Variants in TRPC4 observed in about 807,000 individuals in gnomAD.
TRPC4 encodes transient receptor potential cation channel subfamily C member 4, also known as short transient receptor potential channel 4.
A neutral mutation model predicts 99.4 loss-of-function variants in TRPC4; 49 were observed. That is an observed-to-expected ratio of 0.49 (90% CI 0.39 to 0.63). The LOEUF is 0.63. Ranked by LOEUF, TRPC4 falls within the 20% of genes least tolerant of loss-of-function variation. The pLI is 0.00. For missense variants in TRPC4, 898 were observed against 1,152.9 expected (o/e 0.78, Z 3.20); for synonymous variants, 454 against 425.9 (o/e 1.07, Z -0.81).
At chr13:37,716,714 TA>T (rs960205427) in intron 3 of TRPC4, among the ~76,000 whole-genome samples, 3 of 152,042 alleles carry the variant, frequency 2.0e-5, no homozygotes, top group South Asian at 2.1e-4. Flanking sequence ...AAACAGATCT[TA>T]AAAAAAACCA....
chr13:37,690,592 G>C (rs1281169045), intron 4 of TRPC4, among the ~76,000 whole-genome samples: 3 of 152,126 alleles, frequency 2.0e-5, no homozygotes, highest in Non-Finnish European at 4.4e-5. Context: ...ACTGTGTCCT[G>C]CCCGGCCTGA....
At chr13:37,641,853 T>C (rs117416189) in intron 8 of TRPC4, among the ~76,000 whole-genome samples, 81 of 152,318 alleles carry the variant, frequency 5.3e-4, no homozygotes, top group Non-Finnish European at 9.8e-4. Flanking sequence ...AAGAGATTTA[T>C]GGCATCTGTT....
intron 1 of TRPC4, among the ~76,000 whole-genome samples, chr13:37,842,746 A>C (rs891051042): frequency 6.6e-6 from 1 of 152,192 alleles, no homozygotes; most frequent in African/African-American, 2.4e-5. Context: ...CTCACCTCCT[A>C]ATACCATCAC....
At chr13:37,742,932 G>T (rs1279733668) in intron 3 of TRPC4, among the ~76,000 whole-genome samples, 1 of 152,100 alleles carries the variant, frequency 6.6e-6, no homozygotes, top group Non-Finnish European at 1.5e-5. Context: ...TTTAAATAAT[G>T]CTATCAGTTA....
At chr13:37,847,032 A>G (rs1472675347) in intron 1 of TRPC4, among the ~76,000 whole-genome samples, 1 of 152,106 alleles carries the variant, frequency 6.6e-6, no homozygotes. Flanking sequence ...ATATGCACCC[A>G]ACATCTGAGA....
rs1236525297 is a variant in TRPC4 at position 37,827,774 on chromosome 13, C to A, written c.-28+41821G>T. On this transcript the variant is annotated intron_variant, in intron 1 of 10. Coordinates refer to ENST00000379705, the MANE Select transcript of TRPC4 (RefSeq NM_016179.4). ...GGTGGAGCCTACAGAGGCAGGCAGG[C>A]CTCCTTGAGCTGTGGTGGGCTCCAC... is the stretch of plus-strand genomic sequence containing the variant. Among the ~76,000 whole-genome samples the A allele has an allele frequency of 7.9e-5, 12 of 152,338 alleles. No homozygotes were observed. In the East Asian group the frequency reaches 2.1e-3, roughly 27 times the overall value.
chr13:37,758,558 A>G (rs1956149696), intron 2 of TRPC4, among the ~76,000 whole-genome samples: 1 of 151,784 alleles, frequency 6.6e-6, no homozygotes, highest in Non-Finnish European at 1.5e-5. Flanking sequence ...ATGCAATAAG[A>G]TTAGAAAATA....
At chr13:37,725,789 T>C (rs1195487050) in intron 3 of TRPC4, among the ~76,000 whole-genome samples, 3 of 152,190 alleles carry the variant, frequency 2.0e-5, no homozygotes, top group African/African-American at 7.2e-5. Flanking sequence ...AAATACATTC[T>C]AGACCAGCTC....
chr13:37,700,942 T>G (rs534148714), intron 3 of TRPC4, among the ~76,000 whole-genome samples: 3 of 152,160 alleles, frequency 2.0e-5, no homozygotes, highest in Non-Finnish European at 4.4e-5. Context: ...TTAAAAAAGA[T>G]AACAATAATA....
chr13:37,696,623 G>T (rs1030732550), intron 3 of TRPC4, among the ~76,000 whole-genome samples: 1 of 152,216 alleles, frequency 6.6e-6, no homozygotes, highest in South Asian at 2.1e-4. Flanking sequence ...GCTGACTGCC[G>T]GGTGATTATA....
chr13:37,825,759 G>A (rs1455651112), intron 1 of TRPC4, among the ~76,000 whole-genome samples: 1 of 150,920 alleles, frequency 6.6e-6, no homozygotes, highest in Admixed American at 6.6e-5. Context: ...GTTGATTTGG[G>A]GTGGAGAGTT....
chr13:37,799,687 G>A (rs183124873), intron 1 of TRPC4, among the ~76,000 whole-genome samples: 34 of 152,188 alleles, frequency 2.2e-4, no homozygotes, highest in African/African-American at 8.2e-4. Context: ...CCTGACTTTT[G>A]ACTCCTGTAA....
At chr13:37,687,680 C>T (rs1005467959) in intron 4 of TRPC4, among the ~76,000 whole-genome samples, 12 of 152,232 alleles carry the variant, frequency 7.9e-5, no homozygotes, top group Middle Eastern at 3.4e-3. Context: ...TATTAAAAAT[C>T]AAACCCTAAA....
In TRPC4 at chr13:37,634,819, T is replaced by C. The variant is rs1286800384; in HGVS notation, c.*2084A>G. Among the ~76,000 whole-genome samples the C allele has an allele frequency of 6.6e-6, 1 of 152,074 alleles. No homozygotes were observed. The highest frequency in any genetic ancestry group is 1.5e-5 in the Non-Finnish European group (1 of 67,966). ...ATTTAGAAAAAAATGAGTATTTCAGTAGCCCCAGGATTTGCTCTGAGTCCT... is the reference window on the plus strand; with the variant it reads ...ATTTAGAAAAAAATGAGTATTTCAGCAGCCCCAGGATTTGCTCTGAGTCCT... On this transcript the variant is annotated 3_prime_UTR_variant, in exon 11 of 11. Coordinates refer to ENST00000379705, the MANE Select transcript of TRPC4 (RefSeq NM_016179.4).
intron 1 of TRPC4, among the ~76,000 whole-genome samples, chr13:37,851,065 A>G (rs1383389271): frequency 6.6e-6 from 1 of 152,250 alleles, no homozygotes; most frequent in Non-Finnish European, 1.5e-5. Context: ...GATAAAATTT[A>G]TTATTCTGGA....
intron 2 of TRPC4, among the ~76,000 whole-genome samples, chr13:37,779,071 C>T (rs9576350): frequency 0.52 from 79,196 of 151,674 alleles, 21,203 homozygotes; most frequent in East Asian, 0.78. Context: ...TTTCCAGTGA[C>T]GATGCTAAAG....
chr13:37,771,114 A>C (rs550113928), intron 2 of TRPC4, among the ~76,000 whole-genome samples: 1 of 151,720 alleles, frequency 6.6e-6, no homozygotes. Context: ...GTGAGGGTGC[A>C]TGTTAAGCAT....
At chr13:37,797,387 A>T (rs1957285756) in intron 1 of TRPC4, among the ~76,000 whole-genome samples, 1 of 152,114 alleles carries the variant, frequency 6.6e-6, no homozygotes, top group Non-Finnish European at 1.5e-5. Context: ...ATATGGTTTC[A>T]TTCCCAATGA....
chr13:37,861,967 T>A (rs866456314), intron 1 of TRPC4, among the ~76,000 whole-genome samples: 22 of 151,570 alleles, frequency 1.5e-4, no homozygotes, highest in South Asian at 2.1e-4. Flanking sequence ...TGGTTTTTTT[T>A]AAAAAGGAGG....
Sources: allele counts gnomAD v4.1 joint callset (sites outside exome capture counted in the v4.1 genomes callset), GRCh38; gene constraint gnomAD v4.1.1; transcripts MANE v1.5; gene names NCBI Gene and HGNC (gene_info 2026-07-23, HGNC 2026-07-21).